Variants in TASP1 observed in about 807,000 individuals in gnomAD.
TASP1 encodes the protein taspase 1, also known as threonine aspartase 1.
In TASP1, 16 loss-of-function variants were observed where a neutral mutation model predicts 56.6. That is an observed-to-expected ratio of 0.28 (90% confidence interval 0.19 to 0.43). The LOEUF is 0.43. TASP1 is among the 20% of genes least tolerant of loss of function. TASP1 has a pLI of 1.00. For missense variants in TASP1, 393 were observed against 511.6 expected, an observed-to-expected ratio of 0.77 and a Z score of 2.24; for synonymous variants, 179 against 184.2, an observed-to-expected ratio of 0.97 and a Z score of 0.23.
the TASP1 span, among the ~76,000 whole-genome samples, chr20:13,357,056 G>A: frequency 1.3e-5 from 2 of 152,258 alleles, no homozygotes; most frequent in East Asian, 3.9e-4. Context: ...TGTGAGCCAA[G>A]GGATATAAGA....
At chr20:13,478,980 T>C (rs1011967912) in intron 11 of TASP1, among the ~76,000 whole-genome samples, 1 of 152,146 alleles carries the variant, frequency 6.6e-6, no homozygotes, top group African/African-American at 2.4e-5. Flanking sequence ...TACTGATATA[T>C]TAAGAGCATT....
At chr20:13,136,451 T>C in the TASP1 span, among the ~76,000 whole-genome samples, 1 of 151,330 alleles carries the variant, frequency 6.6e-6, no homozygotes, top group Non-Finnish European at 1.5e-5. Context: ...TACAAAAAAA[T>C]TAGATGGCGG....
intron 11 of TASP1, among the ~76,000 whole-genome samples, chr20:13,462,029 AC>A (rs2044073070): frequency 6.6e-6 from 1 of 152,112 alleles, no homozygotes; most frequent in South Asian, 2.1e-4. Context: ...AGCCAATAAG[AC>A]ACAAGGAGGC....
chr20:13,418,250 G>A (rs1270014369), intron 12 of TASP1, among the ~76,000 whole-genome samples: 1 of 152,122 alleles, frequency 6.6e-6, no homozygotes, highest in Non-Finnish European at 1.5e-5. Flanking sequence ...AAAAGAACCA[G>A]GATTCTTTGG....
the TASP1 span, among the ~76,000 whole-genome samples, chr20:13,111,319 C>T: frequency 4.7e-4 from 71 of 152,250 alleles, no homozygotes; most frequent in African/African-American, 1.6e-3. Flanking sequence ...TGGGAGCACT[C>T]TAGACATAGT....
At chr20:13,540,436 T>C (rs1239530447) in intron 8 of TASP1, among the ~76,000 whole-genome samples, 1 of 152,154 alleles carries the variant, frequency 6.6e-6, no homozygotes, top group African/African-American at 2.4e-5. Context: ...AAAAGACTTG[T>C]CAAGGGTGTT....
the TASP1 span, among the ~76,000 whole-genome samples, chr20:13,328,982 AAAATT>A: frequency 6.6e-6 from 1 of 152,242 alleles, no homozygotes. Flanking sequence ...AAAAGTTTAA[AAAATT>A]AAATAAAACC....
chr20:13,541,442 G>GT (rs1568562168), intron 8 of TASP1, among the ~76,000 whole-genome samples: 1 of 152,116 alleles, frequency 6.6e-6, no homozygotes, highest in Admixed American at 6.6e-5. Flanking sequence ...AATAAAGTCC[G>GT]TAAGGGGCAT....
intron 10 of TASP1, among the ~76,000 whole-genome samples, chr20:13,483,951 C>T (rs1313376839): frequency 1.3e-5 from 2 of 151,250 alleles, no homozygotes; most frequent in African/African-American, 2.4e-5. Flanking sequence ...TGAACTCAAA[C>T]AAATTTACAA....
chr20:13,638,869 C>A (rs1407502293), intron 1 of TASP1, 25 bp downstream of exon 1: 1 of 152,774 alleles, frequency 6.5e-6, no homozygotes, highest in Non-Finnish European at 1.5e-5. Flanking sequence ...GCGGCGCGGA[C>A]AGCGTGGGAA....
At chr20:13,117,661 A>G in the TASP1 span, 43 of 1,614,028 alleles carry the variant, frequency 2.7e-5, no homozygotes, top group Non-Finnish European at 3.6e-5. Context: ...CATGAAGTTG[A>G]TGTGCTCATG....
At chr20:13,171,849 C>T in the TASP1 span, among the ~76,000 whole-genome samples, 6 of 151,998 alleles carry the variant, frequency 3.9e-5, no homozygotes, top group Non-Finnish European at 8.8e-5. Flanking sequence ...GAAAAGTTAA[C>T]TTTTTAAAAG....
At chr20:13,223,355 C>T in the TASP1 span, among the ~76,000 whole-genome samples, 2 of 152,104 alleles carry the variant, frequency 1.3e-5, no homozygotes, top group Non-Finnish European at 2.9e-5. Flanking sequence ...GTGTTTACTA[C>T]GTGCCACCGT....
At chr20:13,325,675 T>A in the TASP1 span, among the ~76,000 whole-genome samples, 1 of 152,208 alleles carries the variant, frequency 6.6e-6, no homozygotes, top group Non-Finnish European at 1.5e-5. Flanking sequence ...TCCACCTGTA[T>A]CAAAACTGTG....
chr20:13,565,612 T>C (rs191134262), intron 7 of TASP1, among the ~76,000 whole-genome samples: 13 of 152,246 alleles, frequency 8.5e-5, no homozygotes, highest in African/African-American at 3.1e-4. Flanking sequence ...ATAATCATTA[T>C]GGAAATGCAA....
chr20:13,182,495 T>C, the TASP1 span, among the ~76,000 whole-genome samples: 1 of 152,294 alleles, frequency 6.6e-6, no homozygotes, highest in African/African-American at 2.4e-5. Flanking sequence ...TCCTCTGTTT[T>C]TACTCTTCTG....
intron 4 of TASP1, among the ~76,000 whole-genome samples, chr20:13,614,429 T>A (rs954537898): frequency 6.6e-6 from 1 of 152,114 alleles, no homozygotes; most frequent in Non-Finnish European, 1.5e-5. Context: ...TCAGAAAAAA[T>A]TGAACCAATG....
At chr20:13,312,091 A>G in the TASP1 span, among the ~76,000 whole-genome samples, 3 of 152,326 alleles carry the variant, frequency 2.0e-5, no homozygotes, top group African/African-American at 7.2e-5. Flanking sequence ...AAGAACATAT[A>G]TATATCTTAA....
At chr20:13,568,980 T>G (rs2046625059) in intron 7 of TASP1, among the ~76,000 whole-genome samples, 2 of 152,172 alleles carry the variant, frequency 1.3e-5, no homozygotes, top group Admixed American at 6.5e-5. Flanking sequence ...TGATCATTTT[T>G]ATATTGGGCA....
Sources: gnomAD v4.1 joint callset for allele counts (sites outside exome capture counted in the v4.1 genomes callset) on GRCh38, gnomAD v4.1.1 for gene constraint, MANE v1.5 for transcripts, NCBI Gene and HGNC (gene_info 2026-07-23, HGNC 2026-07-21) for gene names.